Variants in KCNJ15 observed in about 807,000 individuals in gnomAD.
KCNJ15 encodes the protein potassium inwardly rectifying channel subfamily J member 15.
A neutral mutation model predicts 23.0 loss-of-function variants in KCNJ15; 14 were observed. That is an observed-to-expected ratio of 0.61 (90% CI 0.40 to 0.95). KCNJ15 has a LOEUF of 0.95. Among genes scored for constraint, KCNJ15 ranks in the 40% least tolerant of loss-of-function variants. The pLI is 0.00. For synonymous variants in KCNJ15, 185 were observed against 183.2 expected, an observed-to-expected ratio of 1.01 and a Z score of -0.08; for missense variants, 388 against 461.8, an observed-to-expected ratio of 0.84 and a Z score of 1.46.
At chr21:38,265,208 T>G (rs537571765) in intron 1 of KCNJ15, among the ~76,000 whole-genome samples, 1 of 152,324 alleles carries the variant, frequency 6.6e-6, no homozygotes, top group South Asian at 2.1e-4. Flanking sequence ...GAAGAGAATT[T>G]TCTAACATTT....
intron 1 of KCNJ15, among the ~76,000 whole-genome samples, chr21:38,281,355 G>A (rs1275574259): frequency 1.3e-5 from 2 of 152,094 alleles, no homozygotes; most frequent in African/African-American, 4.8e-5. Context: ...TGATGCCGAG[G>A]TTTGGTGTAT....
In KCNJ15 at chr21:38,299,450, G is replaced by A. The variant is rs1985521399; in HGVS notation, c.189G>A (p.Trp63Ter). The change falls in exon 3 of 3, where the codon TGG becomes TGA. Residue 63 changes from tryptophan to a stop codon, truncating the protein, a stop_gained. Coordinates refer to ENST00000398938, the MANE Select transcript of KCNJ15 (RefSeq NM_170736.3). LOFTEE classifies it high-confidence loss of function. The surrounding 1 kb of genome is among the most constrained non-coding windows in gnomAD (Gnocchi z 4.5). ...DLWTTVIDMK[W>*]RYKLTLFAAT... ...GGACCACAGTTATCGACATGAAGTG[G>A]AGATACAAACTCACCCTGTTCGCTG... 6.2e-7 allele frequency: 1 copy of A among 1,614,042 alleles called. No individual in the cohort carries two copies. The highest frequency in any genetic ancestry group is 8.5e-7 in the Non-Finnish European group (1 of 1,180,022).
chr21:38,232,262 A>G (rs1385870917), intron 1 of KCNJ15, among the ~76,000 whole-genome samples: 1 of 151,348 alleles, frequency 6.6e-6, no homozygotes, highest in Non-Finnish European at 1.5e-5. Flanking sequence ...CCCTTATAAT[A>G]TGTTTTATTT....
intron 1 of KCNJ15, among the ~76,000 whole-genome samples, chr21:38,294,994 T>C (rs1346071580): frequency 6.6e-6 from 1 of 152,166 alleles, no homozygotes; most frequent in Non-Finnish European, 1.5e-5. Context: ...AAATAAACAT[T>C]ATTTCCAGAA....
intron 1 of KCNJ15, among the ~76,000 whole-genome samples, chr21:38,282,076 G>C (rs1379811406): frequency 2.6e-5 from 4 of 152,128 alleles, no homozygotes; most frequent in Admixed American, 2.6e-4. Context: ...TTTGAGAAGT[G>C]TCGGTTCATT....
rs1417927049 is a variant in KCNJ15, at chr21:38,299,298, CT to C, written c.38del (p.Leu13ArgfsTer2). 9 of 1,614,006 alleles carry C rather than the reference CT, an allele frequency of 5.6e-6. No homozygotes were observed. The highest frequency in any genetic ancestry group is 7.6e-6 in the Non-Finnish European group (9 of 1,179,988). ...AIHIGMSSTPLVKHTAGAGLK... is the reference protein window; with the variant it reads ...AIHIGMSSTPXVKHTAGAGLK... ...TCACATCGGCATGTCCAGCACCCCC[CT>C]GGTGAAGCACACTGCTGGGGCTGGG... On this transcript the variant is annotated frameshift_variant, in exon 3 of 3. Transcript: ENST00000398938. LOFTEE classifies it high-confidence loss of function. This position sits in a 1 kb window ranked among gnomAD's most constrained non-coding sequence, Gnocchi z 4.5.
intron 1 of KCNJ15, among the ~76,000 whole-genome samples, chr21:38,238,877 TTC>T (rs201195435): frequency 6.6e-6 from 1 of 152,122 alleles, no homozygotes; most frequent in East Asian, 1.9e-4. Flanking sequence ...TCTTTAACCT[TTC>T]TCTCTCTCTC....
intron 1 of KCNJ15, among the ~76,000 whole-genome samples, chr21:38,275,018 CCAT>C (rs529123947): frequency 1.9e-4 from 29 of 152,288 alleles, no homozygotes; most frequent in African/African-American, 5.8e-4. Context: ...GCCAACACCA[CCAT>C]GTCACCTCAA....
intron 1 of KCNJ15, among the ~76,000 whole-genome samples, chr21:38,242,207 A>G (rs900042503): frequency 1.3e-5 from 2 of 152,158 alleles, no homozygotes; most frequent in African/African-American, 4.8e-5. Flanking sequence ...CAATTTTCAT[A>G]CCATCTCTTG....
At chr21:38,288,190 G>A (rs1984183915) in intron 1 of KCNJ15, among the ~76,000 whole-genome samples, 1 of 151,456 alleles carries the variant, frequency 6.6e-6, no homozygotes, top group Non-Finnish European at 1.5e-5. Context: ...ACAGGCACCT[G>A]CCACCACGCC....
At chr21:38,276,634 C>A (rs556733128) in intron 1 of KCNJ15, among the ~76,000 whole-genome samples, 53 of 152,154 alleles carry the variant, frequency 3.5e-4, no homozygotes, top group African/African-American at 1.2e-3. Flanking sequence ...GTTGAAATAA[C>A]CTTTACAACT....
At chr21:38,238,449 C>T in intron 1 of KCNJ15, 1 of 666,268 alleles carries the variant, frequency 1.5e-6, no homozygotes, top group South Asian at 1.4e-5. Flanking sequence ...CTTTGGTGTC[C>T]TTGGCCTGGC....
intron 1 of KCNJ15, among the ~76,000 whole-genome samples, chr21:38,282,718 T>A (rs758304519): frequency 3.9e-5 from 6 of 152,118 alleles, no homozygotes; most frequent in African/African-American, 7.2e-5. Context: ...ACCGTGTGCC[T>A]CCCTTAAACA....
At chr21:38,292,027 C>T (rs933567155) in intron 1 of KCNJ15, among the ~76,000 whole-genome samples, 3 of 152,128 alleles carry the variant, frequency 2.0e-5, no homozygotes, top group Admixed American at 6.5e-5. Context: ...TGGATGCTGA[C>T]GCGTAGTGAG....
At chr21:38,241,299 C>T (rs987068037) in intron 1 of KCNJ15, among the ~76,000 whole-genome samples, 2 of 121,868 alleles carry the variant, frequency 1.6e-5, no homozygotes, top group Admixed American at 1.7e-4. Flanking sequence ...TCTCCAAGTG[C>T]AAAACATCCA....
At position 38,305,267 on chromosome 21, in the gene KCNJ15, A is replaced by G. The variant is rs1466915197; in HGVS notation, c.*4878A>G. ...TTTGCTGTTCATTCTATAAAGTCAAATAGATTGGTGGGTTAAAAAATAATC... is the reference window on the plus strand; with the variant it reads ...TTTGCTGTTCATTCTATAAAGTCAAGTAGATTGGTGGGTTAAAAAATAATC... On this transcript the variant is annotated 3_prime_UTR_variant, in exon 3 of 3. Coordinates refer to ENST00000398938, the MANE Select transcript of KCNJ15 (RefSeq NM_170736.3). 1 of 152,126 alleles carries G rather than the reference A, an allele frequency of 6.6e-6. No individual in the cohort carries two copies. Among genetic ancestry groups the G allele is most frequent in the South Asian group, 2.1e-4 (1 of 4,822 alleles). 9.4% of individuals were successfully genotyped at this position (152,126 alleles called of 1,614,324 possible).
At position 38,277,802 on chromosome 21, in the gene KCNJ15, C is replaced by CA. The variant is rs34125487; in HGVS notation, c.-116-19123dup. On this transcript the variant is annotated intron_variant, in intron 1 of 2. Coordinates refer to ENST00000398938, the MANE Select transcript of KCNJ15 (RefSeq NM_170736.3). ...CAGGTAATGATAAATGCATGGAGAGCACTCACATGTTTTGGGTTGTGTTTT... is the reference window on the plus strand; with the variant it reads ...CAGGTAATGATAAATGCATGGAGAGCAACTCACATGTTTTGGGTTGTGTTTT... 3.2e-3 allele frequency among the ~76,000 whole-genome samples: 486 copies of CA among 151,658 alleles called. 6 individuals are homozygous for CA. The highest frequency in any genetic ancestry group is 0.011 in the African/African-American group (461 of 41,400).
chr21:38,253,204 C>T (rs551256346), upstream of KCNJ15, among the ~76,000 whole-genome samples: 10 of 152,326 alleles, frequency 6.6e-5, 1 homozygote, highest in South Asian at 1.2e-3. Context: ...TGGGTTCCTC[C>T]TGGGAGTACT....
Position 38,300,102 on chromosome 21 carries a change from GTCC to G in KCNJ15, c.847_849del (p.Leu283del). Reference sequence around the variant, plus strand: ...AAAGGAGAAGGAGTTTGAGCTTGTGGTCCTCCTCAATGCCACTGTGGAATCCAC... The same window carrying G: ...AAAGGAGAAGGAGTTTGAGCTTGTGGTCCTCAATGCCACTGTGGAATCCAC... On this transcript the variant is annotated inframe_deletion, in exon 3 of 3. Coordinates refer to ENST00000398938, the MANE Select transcript of KCNJ15 (RefSeq NM_170736.3). 1 of 1,614,098 alleles carries G rather than the reference GTCC, an allele frequency of 6.2e-7. No individual in the cohort carries two copies. Among genetic ancestry groups the G allele is most frequent in the South Asian group, 1.1e-5 (1 of 91,086 alleles).
Sources: allele counts gnomAD v4.1 joint callset (sites outside exome capture counted in the v4.1 genomes callset), GRCh38; gene constraint gnomAD v4.1.1; non-coding constraint Gnocchi (gnomAD v3.1); transcripts MANE v1.5; gene names NCBI Gene and HGNC (gene_info 2026-07-23, HGNC 2026-07-21).